NENF: variants seen among roughly 807,000 people sequenced by gnomAD.
The protein encoded by NENF is neudesin neurotrophic factor, also known as neudesin.
A neutral mutation model predicts 14.8 loss-of-function variants in NENF; 6 were observed. The ratio of observed to expected loss-of-function variants is 0.40; its 90% CI spans 0.22 to 0.80. The LOEUF (loss-of-function observed/expected upper bound fraction) is 0.80, where lower values mean the gene tolerates loss of function less well. NENF is among the 30% of genes least tolerant of loss of function. NENF has a pLI of 0.34. For synonymous variants in NENF, 76 were observed against 95.1 expected, an observed-to-expected ratio of 0.80 and a Z score of 1.17; for missense variants, 184 against 212.7, an observed-to-expected ratio of 0.87 and a Z score of 0.84.
rs961063931 is a variant in NENF, at chr1:212,440,178, G to A, written c.178-2387G>A. Among the ~76,000 whole-genome samples, 10 of 150,120 alleles carry A rather than the reference G, an allele frequency of 6.7e-5. No homozygotes were observed. The South Asian group carries it at 2.1e-3, about 31-fold the overall frequency. On this transcript the variant is annotated intron_variant, in intron 1 of 3. Transcript: ENST00000366988. ...GAGGCAGGAGAATCGCTTGAACTGGGGAGGTGGAGGTTGCAGTGAGCCGAT... is the reference window on the plus strand; with the variant it reads ...GAGGCAGGAGAATCGCTTGAACTGGAGAGGTGGAGGTTGCAGTGAGCCGAT...
chr1:212,438,930 G>A (rs910537078), intron 1 of NENF, among the ~76,000 whole-genome samples: 1 of 152,004 alleles, frequency 6.6e-6, no homozygotes, highest in Non-Finnish European at 1.5e-5. Flanking sequence ...CTATTCCTGT[G>A]TCTGCATTTA....
chr1:212,445,659 G>GC (rs916204064), intron 3 of NENF, among the ~76,000 whole-genome samples, 171 bp from the exon 4 acceptor site: 65 of 75,110 alleles, frequency 8.7e-4, no homozygotes, highest in African/African-American at 2.8e-3. Flanking sequence ...CCACCCCCAC[G>GC]CCCCCCCCAC....
chr1:212,440,593 C>A (rs1662685937), intron 1 of NENF, among the ~76,000 whole-genome samples: 1 of 152,178 alleles, frequency 6.6e-6, no homozygotes, highest in Non-Finnish European at 1.5e-5. Flanking sequence ...AGGCAGCCCT[C>A]TGCTGAGCTC....
At chr1:212,442,715 C>G in intron 2 of NENF, 90 bp downstream of exon 2, 3 of 893,720 alleles carry the variant, frequency 3.4e-6, no homozygotes, top group Non-Finnish European at 5.7e-6. Context: ...AGGGAGGGAA[C>G]ATTAGGCAAG....
chr1:212,442,532 C>G (rs778927891), intron 1 of NENF, 33 bp from the exon 2 acceptor site: 1 of 1,568,202 alleles, frequency 6.4e-7, no homozygotes, highest in Non-Finnish European at 8.8e-7. Context: ...TGGCTCTTCC[C>G]TTCCTCTTCA....
At chr1:212,442,733 C>A in intron 2 of NENF, 108 bp downstream of exon 2, 1 of 786,274 alleles carries the variant, frequency 1.3e-6, no homozygotes. Flanking sequence ...AAGTCCTTTT[C>A]ATTCCATTTT....
chr1:212,439,660 A>G (rs1393494222), intron 1 of NENF, among the ~76,000 whole-genome samples: 2 of 140,930 alleles, frequency 1.4e-5, no homozygotes, highest in Admixed American at 7.7e-5. Flanking sequence ...CCTGGCCAAC[A>G]TGGTGAAACC....
At chr1:212,441,889 G>T (rs1451414609) in intron 1 of NENF, among the ~76,000 whole-genome samples, 1 of 152,244 alleles carries the variant, frequency 6.6e-6, no homozygotes, top group Non-Finnish European at 1.5e-5. Context: ...ATATAAAATA[G>T]ATTGCTCATA....
intron 1 of NENF, among the ~76,000 whole-genome samples, chr1:212,436,084 G>C (rs1325468512): frequency 6.6e-6 from 1 of 152,146 alleles, no homozygotes; most frequent in Non-Finnish European, 1.5e-5. Context: ...GCTATCTCAG[G>C]GGTGGCAGAG....
chr1:212,444,445 G>C lies in NENF; in HGVS notation c.342+3G>C. On this transcript the variant is annotated splice_donor_region_variant and intron_variant, in intron 3 of 3. Transcript: ENST00000366988. ...CTGCAGACCTCACCCATGACACTGT[G>C]AGCCAGATTATAAGCCTTTGTAAAA... is the stretch of plus-strand genomic sequence containing the variant. The C allele has an allele frequency of 6.3e-7, 1 of 1,587,146 alleles. No individual in the cohort carries two copies. The highest frequency in any genetic ancestry group is 1.1e-5 in the South Asian group (1 of 87,648).
chr1:212,441,024 C>G (rs1324663755), intron 1 of NENF, among the ~76,000 whole-genome samples: 1 of 152,112 alleles, frequency 6.6e-6, no homozygotes, highest in Non-Finnish European at 1.5e-5. Flanking sequence ...TCGTCCCAGC[C>G]TGAGCCCAAC....
chr1:212,437,367 A>G (rs192933761), intron 1 of NENF, among the ~76,000 whole-genome samples: 1 of 152,152 alleles, frequency 6.6e-6, no homozygotes, highest in Admixed American at 6.5e-5. Flanking sequence ...GTATTGCATA[A>G]TATATGGTAT....
chr1:212,439,309 G>T (rs1284449397), intron 1 of NENF, among the ~76,000 whole-genome samples: 1 of 151,506 alleles, frequency 6.6e-6, no homozygotes, highest in African/African-American at 2.4e-5. Context: ...GAGGCGGGTA[G>T]ATCACCTCAC....
At chr1:212,440,510 G>C (rs1662684925) in intron 1 of NENF, among the ~76,000 whole-genome samples, 1 of 152,140 alleles carries the variant, frequency 6.6e-6, no homozygotes, top group African/African-American at 2.4e-5. Flanking sequence ...GTTAGATGAG[G>C]TGGAGCAAGT....
chr1:212,434,502 G>A (rs890394751), intron 1 of NENF, among the ~76,000 whole-genome samples: 9 of 152,158 alleles, frequency 5.9e-5, no homozygotes, highest in African/African-American at 2.2e-4. Flanking sequence ...GAGTCTAATG[G>A]GCATCTCTAG....
Position 212,444,320 on chromosome 1 carries a change from T to C in NENF, c.239-19T>C. 6.5e-7 allele frequency: 1 copy of C among 1,537,534 alleles called. No individual in the cohort carries two copies. Among genetic ancestry groups the C allele is most frequent in the Non-Finnish European group, 8.9e-7 (1 of 1,128,764 alleles). On this transcript the variant is annotated intron_variant, in intron 2 of 3. Transcript: ENST00000366988. The stretch of plus-strand genomic sequence containing the variant: ...CATGTAAACCCACGCTTACGTCTCT[T>C]CCTTCCTTCCCACTACAGAGTTTTA...
rs1271946273 is a variant in NENF at position 212,433,072 on chromosome 1, A to T, written c.129A>T (p.Pro43=). The T allele has an allele frequency of 8.4e-7, 1 of 1,191,776 alleles. No homozygotes were observed. Among genetic ancestry groups the T allele is most frequent in the Non-Finnish European group, 1.0e-6 (1 of 962,080 alleles). The allele number at this position is 1,191,776 out of a possible 1,614,324, so 73.8% of individuals were successfully genotyped here. The change falls in exon 1 of 4, where the codon CCA becomes CCT. Residue 43 remains proline, a synonymous_variant. Coordinates refer to ENST00000366988, the MANE Select transcript of NENF (RefSeq NM_013349.5). The surrounding 1 kb of genome is among the most constrained non-coding windows in gnomAD (Gnocchi z 5.5). The stretch of plus-strand genomic sequence containing the variant: ...CGCGCCCTGCCGAGCGGGGGCCCCC[A>T]GTGCGGCTTTTCACCGAGGAGGAGC... ...QTPRPAERGP[P]VRLFTEEELA... is the part of the protein sequence containing the mutation.
At chr1:212,445,071 A>G (rs1662758025) in intron 3 of NENF, among the ~76,000 whole-genome samples, 2 of 152,286 alleles carry the variant, frequency 1.3e-5, no homozygotes, top group South Asian at 4.1e-4. Flanking sequence ...CCAGGCCAGC[A>G]TGGAGAAACC....
chr1:212,432,998 G>A lies in NENF; in HGVS notation c.55G>A (p.Val19Ile). Residue 19 changes from valine to isoleucine, a missense_variant, in exon 1 of 4, where the codon GTC (valine) becomes ATC (isoleucine). Coordinates refer to ENST00000366988, the MANE Select transcript of NENF (RefSeq NM_013349.5). ...RLRPLAALAL[V>I]LALAPGLPTA... ...GCGGCCGCTGGCAGCGCTGGCCCTG[G>A]TCCTGGCGCTGGCCCCGGGGCTGCC... 1 of 1,148,722 alleles carries A rather than the reference G, an allele frequency of 8.7e-7. No homozygotes were observed. The highest frequency in any genetic ancestry group is 1.1e-6 in the Non-Finnish European group (1 of 932,544). 71.2% of individuals were successfully genotyped at this position (1,148,722 alleles called of 1,614,324 possible). A position where few individuals can be genotyped will look rare whatever the true frequency, so the allele number is the denominator to read the frequency against.
Sources: gnomAD v4.1 joint callset for allele counts (sites outside exome capture counted in the v4.1 genomes callset) on GRCh38, gnomAD v4.1.1 for gene constraint, Gnocchi (gnomAD v3.1) non-coding constraint, MANE v1.5 for transcripts, NCBI Gene and HGNC (gene_info 2026-07-23, HGNC 2026-07-21) for gene names.